EP400: variants seen among roughly 807,000 people sequenced by gnomAD.
The protein encoded by EP400 is E1A-binding protein p400.
A neutral mutation model predicts 354.1 loss-of-function variants in EP400; 105 were observed. The observed-to-expected ratio is 0.30, with a 90% confidence interval of 0.25 to 0.35. EP400 has a LOEUF of 0.35. EP400 is among the 10% of genes least tolerant of loss of function. The probability of loss-of-function intolerance (pLI) is 1.00; values close to 1 mark genes in which losing one functional copy is unlikely to be tolerated. For missense variants in EP400, 3,280 were observed against 4,121.0 expected, an observed-to-expected ratio of 0.80 and a Z score of 5.59; for synonymous variants, 1,646 against 1,716.9, an observed-to-expected ratio of 0.96 and a Z score of 1.02.
intron 29 of EP400, chr12:132,031,308 C>T (rs1392965813): frequency 5.8e-6 from 3 of 519,064 alleles, no homozygotes; most frequent in African/African-American, 5.8e-5. Context: ...GCACATATCC[C>T]TCCCCAGTAA....
intron 45 of EP400, among the ~76,000 whole-genome samples, chr12:132,059,693 T>C (rs776719716): frequency 2.0e-5 from 3 of 152,200 alleles, no homozygotes; most frequent in East Asian, 1.9e-4. Context: ...ATGTGCGATA[T>C]TGGGATTATC....
At chr12:132,045,653 G>A (rs1170299392) in intron 38 of EP400, 74 bp from the exon 39 acceptor site, 1 of 1,603,102 alleles carries the variant, frequency 6.2e-7, no homozygotes, top group East Asian at 2.2e-5. Context: ...ACTTTGCAGG[G>A]AGTCTTTGGC....
At position 131,990,743 on chromosome 12, in the gene EP400, C is replaced by CCCAAGCGTGGTGA; in HGVS notation, c.2629+29_2629+30insCCAAGCGTGGTGA. On this transcript the variant is annotated intron_variant, in intron 9 of 52. Coordinates refer to ENST00000389561, the MANE Select transcript of EP400 (RefSeq NM_015409.5). This position sits in a 1 kb window ranked among gnomAD's most constrained non-coding sequence, Gnocchi z 4.2. Reference sequence around the variant, plus strand: ...GGACCCTTTAAAAAAAGGCTCACCACGCTTGGGTGGTATTTTGTTCGGATT... The same window carrying CCCAAGCGTGGTGA: ...GGACCCTTTAAAAAAAGGCTCACCACCCAAGCGTGGTGAGCTTGGGTGGTATTTTGTTCGGATT... 6.6e-7 allele frequency: 1 copy of CCCAAGCGTGGTGA among 1,519,490 alleles called. No individual in the cohort carries two copies. The highest frequency in any genetic ancestry group is 9.0e-7 in the Non-Finnish European group (1 of 1,105,994). The allele number at this position is 1,519,490 out of a possible 1,614,324, so 94.1% of individuals were successfully genotyped here.
intron 32 of EP400, among the ~76,000 whole-genome samples, chr12:132,039,613 A>G (rs1359163605): frequency 1.3e-5 from 2 of 152,164 alleles, no homozygotes; most frequent in Admixed American, 6.5e-5. Flanking sequence ...TTTCTTCTAG[A>G]GATTGCATGT....
In EP400 at chr12:132,050,237, G is replaced by C. The variant is rs2136586421; in HGVS notation, c.7201-86G>C. ...TTCAGCCATGGGGAGTTTAGCCTCA[G>C]ATTCCCACCCAGTGAGCCCTGTGTC... is the stretch of plus-strand genomic sequence containing the variant. On this transcript the variant is annotated intron_variant, in intron 39 of 52. Transcript: ENST00000389561. The surrounding 1 kb of genome is among the most constrained non-coding windows in gnomAD (Gnocchi z 4.8). 3 of 1,521,628 alleles carry C rather than the reference G, an allele frequency of 2.0e-6. No individual in the cohort carries two copies. The highest frequency in any genetic ancestry group is 2.7e-6 in the Non-Finnish European group (3 of 1,121,656). The allele number at this position is 1,521,628 out of a possible 1,614,324, so 94.3% of individuals were successfully genotyped here.
rs1281868731 is a variant in EP400, at chr12:132,052,817, CAG to C, written c.7395-327_7395-326del. Among the ~76,000 whole-genome samples the C allele has an allele frequency of 6.6e-6, 1 of 152,178 alleles. No individual in the cohort carries two copies. Among genetic ancestry groups the C allele is most frequent in the Non-Finnish European group, 1.5e-5 (1 of 68,022 alleles). On this transcript the variant is annotated intron_variant, in intron 41 of 52. Transcript: ENST00000389561. The surrounding 1 kb of genome is among the most constrained non-coding windows in gnomAD (Gnocchi z 4.4). The stretch of plus-strand genomic sequence containing the variant: ...CTCGAGGGCATCCTCACAGAAGGAA[CAG>C]ACAGAGATTTTCCCAAGTACAGTGC...
intron 10 of EP400, 114 bp downstream of exon 10, chr12:131,991,570 T>A: frequency 1.1e-6 from 1 of 949,420 alleles, no homozygotes; most frequent in Non-Finnish European, 1.6e-6. Flanking sequence ...TTACTTCCTT[T>A]CTTTTCTTTT....
rs1398251919 is a variant in EP400 at position 132,077,845 on chromosome 12, A to G, written c.*172A>G. Reference sequence around the variant, plus strand: ...AAAATGCATCCCACACTGCAGGACAAATGGTCCTTATGGAGTGCCGCGTTC... The same window carrying G: ...AAAATGCATCCCACACTGCAGGACAGATGGTCCTTATGGAGTGCCGCGTTC... On this transcript the variant is annotated 3_prime_UTR_variant, in exon 53 of 53. Coordinates refer to ENST00000389561, the MANE Select transcript of EP400 (RefSeq NM_015409.5). The G allele has an allele frequency of 3.3e-6, 3 of 896,396 alleles. No homozygotes were observed. Among genetic ancestry groups the G allele is most frequent in the Non-Finnish European group, 4.9e-6 (3 of 610,740 alleles). 55.5% of individuals were successfully genotyped at this position (896,396 alleles called of 1,614,324 possible). A position where few individuals can be genotyped will look rare whatever the true frequency, so the allele number is the denominator to read the frequency against.
At chr12:132,019,968 G>A (rs117527807) in intron 21 of EP400, 81 bp from the exon 22 acceptor site, 1 of 1,408,550 alleles carries the variant, frequency 7.1e-7, no homozygotes, top group African/African-American at 1.5e-5. Flanking sequence ...GGGCAGCGGT[G>A]AACCCCGGCT....
rs754545046 is a variant in EP400, at chr12:131,986,793, G to A, written c.2209G>A (p.Glu737Lys). 1 of 1,607,566 alleles carries A rather than the reference G, an allele frequency of 6.2e-7. No homozygotes were observed. Among genetic ancestry groups the A allele is most frequent in the Admixed American group, 1.7e-5 (1 of 58,874 alleles). Residue 737 changes from glutamate to lysine, a missense_variant, in exon 6 of 53, where the codon GAA becomes AAA. By Grantham distance (56) the Glu-to-Lys change is moderately conservative. Transcript: ENST00000389561. ...SQDSSQDTLT[E>K]QITLENQVHQ... ...AGACAGTTCTCAGGATACGCTGACA[G>A]AACAAATAACTCTGGTAAGCATGCT...
At chr12:132,023,271 T>A (rs1304952140) in intron 23 of EP400, among the ~76,000 whole-genome samples, 1 of 149,742 alleles carries the variant, frequency 6.7e-6, no homozygotes, top group African/African-American at 2.5e-5. Flanking sequence ...TAGCTCGGAT[T>A]ACAGGCGCCC....
chr12:132,045,216 C>T (rs1895050894), intron 37 of EP400, 103 bp from the exon 38 acceptor site: 2 of 1,521,424 alleles, frequency 1.3e-6, no homozygotes, highest in African/African-American at 1.4e-5. Context: ...GGCCTCTTTG[C>T]CCAGGCACCT....
At position 132,079,536 on chromosome 12, in the gene EP400, TTG is replaced by T. The variant is rs912742101; in HGVS notation, c.*1865_*1866del. On this transcript the variant is annotated 3_prime_UTR_variant, in exon 53 of 53. Coordinates refer to ENST00000389561, the MANE Select transcript of EP400 (RefSeq NM_015409.5). Reference sequence around the variant, plus strand: ...AATTTGTGTGCCCTGTTCATTTTTTTTGTCTTTCCCAAATCTTGGTAGTCTCC... The same window carrying T: ...AATTTGTGTGCCCTGTTCATTTTTTTTCTTTCCCAAATCTTGGTAGTCTCC... The T allele has an allele frequency of 6.6e-6, 1 of 152,292 alleles. No homozygotes were observed. Among genetic ancestry groups the T allele is most frequent in the African/African-American group, 2.4e-5 (1 of 41,478 alleles). The allele number at this position is 152,292 out of a possible 1,614,324, so 9.4% of individuals were successfully genotyped here.
chr12:132,021,046 C>G, intron 22 of EP400, 33 bp from the exon 23 acceptor site: 1 of 1,548,408 alleles, frequency 6.5e-7, no homozygotes, highest in Non-Finnish European at 8.7e-7. Flanking sequence ...GAACCTCTAA[C>G]AGCTTTGCAC....
chr12:132,009,830 ATTTTT>A (rs35513772), intron 15 of EP400, among the ~76,000 whole-genome samples: 4 of 79,718 alleles, frequency 5.0e-5, no homozygotes, highest in African/African-American at 2.5e-4. Context: ...CGCCTGGCTA[ATTTTT>A]TTTTTTTTTT....
intron 12 of EP400, among the ~76,000 whole-genome samples, chr12:131,999,771 T>A (rs1045860665): frequency 2.6e-5 from 4 of 152,164 alleles, no homozygotes; most frequent in African/African-American, 7.2e-5. Flanking sequence ...TGACTTTTTC[T>A]TTTCTTCATA....
rs181575474 is a variant in EP400, at chr12:131,956,282, A to G, written c.-35-4303A>G. Among the ~76,000 whole-genome samples the G allele has an allele frequency of 2.9e-4, 44 of 152,292 alleles. No homozygotes were observed. In the East Asian group the frequency reaches 6.4e-3, roughly 22 times the overall value. ...TCATGGTTTGATGTGTCTGCTCATCAGGGGAAGGTCAGTTTTAATATTCTG... is the reference window on the plus strand; with the variant it reads ...TCATGGTTTGATGTGTCTGCTCATCGGGGGAAGGTCAGTTTTAATATTCTG... On this transcript the variant is annotated intron_variant, in intron 1 of 52. Transcript: ENST00000389561.
At position 132,013,741 on chromosome 12, in the gene EP400, T is replaced by TATAACTG. The variant is rs776621952; in HGVS notation, c.3787-36_3787-35insATAACTG. On this transcript the variant is annotated intron_variant, in intron 18 of 52. Transcript: ENST00000389561. The surrounding 1 kb of genome is among the most constrained non-coding windows in gnomAD (Gnocchi z 4.5). ...GTTATAAACGTGTTACAGCAGCATT[T>TATAACTG]TTGGAAAGAAAACAGTAAACAGTTT... 3.7e-6 allele frequency: 6 copies of TATAACTG among 1,610,766 alleles called. No homozygotes were observed. The highest frequency in any genetic ancestry group is 5.1e-6 in the Non-Finnish European group (6 of 1,178,486).
chr12:132,006,694 C>T lies in EP400; in HGVS notation c.3127-6C>T. On this transcript the variant is annotated splice_polypyrimidine_tract_variant and splice_region_variant and intron_variant, in intron 14 of 52. Transcript: ENST00000389561. ...CTGTCATTCTTTTATTTGTTCATCA[C>T]TGCAGGTCAAGTTTAATGCTCCATC... 6.3e-7 allele frequency: 1 copy of T among 1,581,370 alleles called. No homozygotes were observed. The highest frequency in any genetic ancestry group is 8.6e-7 in the Non-Finnish European group (1 of 1,166,960).
Sources: gnomAD v4.1 joint callset for allele counts (sites outside exome capture counted in the v4.1 genomes callset) on GRCh38, gnomAD v4.1.1 for gene constraint, Gnocchi (gnomAD v3.1) non-coding constraint, MANE v1.5 for transcripts, NCBI Gene and HGNC (gene_info 2026-07-23, HGNC 2026-07-21) for gene names.